The following NRG1 variants were observed in gnomAD, a reference collection of about 807,000 sequenced individuals.
NRG1 encodes the protein pro-neuregulin-1, membrane-bound isoform.
NRG1 carries 18 observed loss-of-function variants against 63.8 expected under a neutral mutation model. The observed-to-expected ratio is 0.28, with a 90% CI of 0.19 to 0.42. The LOEUF is 0.42. Ranked by LOEUF, NRG1 falls within the 10% of genes least tolerant of loss-of-function variation. The probability of loss-of-function intolerance (pLI) is 1.00; values close to 1 mark genes in which losing one functional copy is unlikely to be tolerated. For missense variants in NRG1, 762 were observed against 814.7 expected, an observed-to-expected ratio of 0.94 and a Z score of 0.79; for synonymous variants, 302 against 301.3, an observed-to-expected ratio of 1.00 and a Z score of -0.02.
At chr8:31,773,804 T>C (rs1218216015) in intron 1 of NRG1, among the ~76,000 whole-genome samples, 1 of 152,182 alleles carries the variant, frequency 6.6e-6, no homozygotes, top group Non-Finnish European at 1.5e-5. Context: ...CCCCAGCTGA[T>C]AAAAGTTACC....
At chr8:32,325,216 C>A (rs1801851167) in intron 1 of NRG1, among the ~76,000 whole-genome samples, 1 of 152,104 alleles carries the variant, frequency 6.6e-6, no homozygotes, top group Non-Finnish European at 1.5e-5. Flanking sequence ...CAAGACTGAA[C>A]CTTTATTGCA....
chr8:32,693,607 T>A (rs1350443400), intron 5 of NRG1, among the ~76,000 whole-genome samples: 1 of 151,112 alleles, frequency 6.6e-6, no homozygotes. Flanking sequence ...CCCTGGCATG[T>A]AGAGTGTAGA....
downstream of NRG1, among the ~76,000 whole-genome samples, chr8:32,772,023 CAA>C (rs1394678476): frequency 1.2e-4 from 3 of 24,930 alleles, no homozygotes; most frequent in East Asian, 1.0e-3. Flanking sequence ...AACTCCGTCT[CAA>C]AAAAAAAAAA....
rs748536246 is a variant in NRG1, at chr8:32,639,629, TTCTC to T, written c.502+22748_502+22751del. Among the ~76,000 whole-genome samples the T allele has an allele frequency of 6.8e-4, 103 of 152,154 alleles. 2 individuals carry two copies. Among genetic ancestry groups the T allele is most frequent in the Non-Finnish European group, 3.7e-4 (25 of 68,034 alleles). On this transcript the variant is annotated intron_variant, in intron 5 of 11. Transcript: ENST00000356819. ...TGTGTATAATCTCATGCTCAACTGTTTCTCTCTATTTTAAGCAGGAGATTTAAAA... is the reference window on the plus strand; with the variant it reads ...TGTGTATAATCTCATGCTCAACTGTTTCTATTTTAAGCAGGAGATTTAAAA...
intron 1 of NRG1, among the ~76,000 whole-genome samples, chr8:31,909,773 C>T (rs1434935558): frequency 6.6e-6 from 1 of 152,158 alleles, no homozygotes; most frequent in Non-Finnish European, 1.5e-5. Flanking sequence ...TGTTTCCTAT[C>T]AAGCGGTGCG....
intron 8 of NRG1, among the ~76,000 whole-genome samples, chr8:32,755,817 A>G (rs1829570729): frequency 6.6e-6 from 1 of 151,792 alleles, no homozygotes; most frequent in Admixed American, 6.6e-5. Flanking sequence ...ATCTCAGCTC[A>G]CTGCAACCTC....
At chr8:32,298,831 A>G (rs536550207) in intron 1 of NRG1, among the ~76,000 whole-genome samples, 1 of 151,802 alleles carries the variant, frequency 6.6e-6, no homozygotes, top group African/African-American at 2.4e-5. Context: ...GATCAAGAAC[A>G]TCCTGACCAA....
chr8:32,348,518 T>C (rs1428464361), intron 1 of NRG1, among the ~76,000 whole-genome samples: 1 of 152,220 alleles, frequency 6.6e-6, no homozygotes, highest in Non-Finnish European at 1.5e-5. Flanking sequence ...TTCTTTATAT[T>C]TTTAGATACC....
At chr8:31,753,470 T>C (rs1219743006) in intron 1 of NRG1, among the ~76,000 whole-genome samples, 1 of 152,062 alleles carries the variant, frequency 6.6e-6, no homozygotes, top group Non-Finnish European at 1.5e-5. Context: ...GAAAACTGTC[T>C]AAAGAAAAGC....
intron 1 of NRG1, among the ~76,000 whole-genome samples, chr8:32,069,490 T>C (rs1825419322): frequency 6.6e-6 from 1 of 152,190 alleles, no homozygotes; most frequent in Non-Finnish European, 1.5e-5. Flanking sequence ...TAGAACTTTC[T>C]AGCAATGGTT....
chr8:32,259,558 G>A (rs1850129719), intron 1 of NRG1, among the ~76,000 whole-genome samples: 1 of 152,010 alleles, frequency 6.6e-6, no homozygotes, highest in African/African-American at 2.4e-5. Flanking sequence ...CCCAGTTGAT[G>A]GTATTCTGTT....
chr8:31,700,105 C>T (rs1810483887), intron 1 of NRG1, among the ~76,000 whole-genome samples: 1 of 151,992 alleles, frequency 6.6e-6, no homozygotes, highest in African/African-American at 2.4e-5. Context: ...CAGAATTGCC[C>T]ATGTCTCTTA....
At chr8:32,313,109 C>T (rs183725338) in intron 1 of NRG1, among the ~76,000 whole-genome samples, 57 of 152,270 alleles carry the variant, frequency 3.7e-4, no homozygotes, top group Admixed American at 9.8e-4. Context: ...GAGCTGAGAT[C>T]GTACCACTGC....
At chr8:32,089,104 G>T (rs1395373531) in intron 1 of NRG1, among the ~76,000 whole-genome samples, 1 of 152,174 alleles carries the variant, frequency 6.6e-6, no homozygotes, top group African/African-American at 2.4e-5. Context: ...GTGCTCATGT[G>T]CATGGATCCC....
chr8:32,330,912 A>G (rs550494201), intron 1 of NRG1, among the ~76,000 whole-genome samples: 1 of 152,122 alleles, frequency 6.6e-6, no homozygotes, highest in African/African-American at 2.4e-5. Flanking sequence ...TCTTCTGATT[A>G]TATTGTTTCT....
At chr8:32,240,609 T>C (rs1035278767) in intron 1 of NRG1, among the ~76,000 whole-genome samples, 1 of 152,112 alleles carries the variant, frequency 6.6e-6, no homozygotes, top group Non-Finnish European at 1.5e-5. Context: ...ATTCCGTAAA[T>C]GTCAAATCTT....
intron 1 of NRG1, among the ~76,000 whole-genome samples, chr8:31,722,221 A>G (rs2131311244): frequency 6.6e-6 from 1 of 152,116 alleles, no homozygotes; most frequent in Admixed American, 6.6e-5. Flanking sequence ...TTAGTTCCCT[A>G]TATCATGGTA....
chr8:32,705,348 G>A (rs1816114205), intron 5 of NRG1, among the ~76,000 whole-genome samples: 1 of 152,058 alleles, frequency 6.6e-6, no homozygotes, highest in African/African-American at 2.4e-5. Flanking sequence ...AGCCAGGATG[G>A]TCTTGATCTC....
intron 1 of NRG1, among the ~76,000 whole-genome samples, chr8:32,464,191 G>C (rs1822755038): frequency 6.6e-6 from 1 of 151,616 alleles, no homozygotes; most frequent in South Asian, 2.1e-4. Flanking sequence ...ATCACGCCTG[G>C]CTAAACTTAG....
Sources: gnomAD v4.1 joint callset for allele counts (sites outside exome capture counted in the v4.1 genomes callset) on GRCh38, gnomAD v4.1.1 for gene constraint, MANE v1.5 for transcripts, NCBI Gene and HGNC (gene_info 2026-07-23, HGNC 2026-07-21) for gene names.